The following ZNF700 variants were observed in gnomAD, a reference collection of about 807,000 sequenced individuals.
ZNF700 encodes the protein zinc finger protein 700.
A neutral mutation model predicts 65.3 loss-of-function variants in ZNF700; 38 were observed. The observed-to-expected ratio is 0.58, with a 90% CI of 0.45 to 0.76. The LOEUF (loss-of-function observed/expected upper bound fraction) is 0.76. Among genes scored for constraint, ZNF700 ranks in the 30% least tolerant of loss-of-function variants. The pLI, the probability that ZNF700 is intolerant of heterozygous loss-of-function variation, is 0.00. For synonymous variants in ZNF700, 285 were observed against 290.4 expected, an observed-to-expected ratio of 0.98 and a Z score of 0.19; for missense variants, 857 against 888.4, an observed-to-expected ratio of 0.96 and a Z score of 0.45.
chr19:11,925,631 T>C (rs1052431706), intron 1 of ZNF700, among the ~76,000 whole-genome samples: 2 of 152,170 alleles, frequency 1.3e-5, no homozygotes, highest in East Asian at 1.9e-4. Flanking sequence ...GGAGGAGCAG[T>C]GGTCTGTGGG....
intron 1 of ZNF700, among the ~76,000 whole-genome samples, chr19:11,927,842 A>G (rs910241172): frequency 6.6e-6 from 1 of 152,192 alleles, no homozygotes; most frequent in Non-Finnish European, 1.5e-5. Flanking sequence ...TGTGACTGAC[A>G]AGGAGTGTTT....
intron 1 of ZNF700, among the ~76,000 whole-genome samples, chr19:11,934,582 A>C (rs1972761697): frequency 6.8e-6 from 1 of 147,036 alleles, no homozygotes. Context: ...GCTGGAGTGC[A>C]ATGGCGCAAT....
rs754799995 is a variant in ZNF700 at position 11,950,280 on chromosome 19, G to A, written c.*27G>A. 2 of 1,587,226 alleles carry A rather than the reference G, an allele frequency of 1.3e-6. No individual in the cohort carries two copies. The highest frequency in any genetic ancestry group is 2.2e-5 in the East Asian group (1 of 44,674). On this transcript the variant is annotated 3_prime_UTR_variant, in exon 4 of 4. Transcript: ENST00000254321. ...CTGGTTCCTTTTATGGACATGAATA[G>A]ACTCACACTGGAAGGAAGCACTATG...
chr19:11,927,019 T>G (rs1026291453), intron 1 of ZNF700, among the ~76,000 whole-genome samples: 2 of 152,004 alleles, frequency 1.3e-5, no homozygotes, highest in African/African-American at 2.4e-5. Context: ...AGGAAGGAAT[T>G]CAAGACGAGT....
chr19:11,930,333 G>C (rs1972695539), intron 1 of ZNF700, among the ~76,000 whole-genome samples: 1 of 148,496 alleles, frequency 6.7e-6, no homozygotes, highest in South Asian at 2.1e-4. Context: ...ACCCCAACAA[G>C]GTTGTATTTA....
At position 11,949,247 on chromosome 19, in the gene ZNF700, A is replaced by T. The variant is rs151271610; in HGVS notation, c.1223A>T (p.His408Leu). 1 of 1,614,158 alleles carries T rather than the reference A, an allele frequency of 6.2e-7. No individual in the cohort carries two copies. The highest frequency in any genetic ancestry group is 8.5e-7 in the Non-Finnish European group (1 of 1,180,024). The change falls in exon 4 of 4, where the codon CAT becomes CTT. Residue 408 changes from histidine (H) to leucine (L), a missense_variant. Coordinates refer to ENST00000254321, the MANE Select transcript of ZNF700 (RefSeq NM_144566.3). The stretch of plus-strand genomic sequence containing the variant: ...AATCTTTCCAGTTCCTTTCGATATC[A>T]TGAAAGGATTCACACTGGAGAGAAA... The part of the protein sequence containing the change: ...AFNLSSSFRY[H>L]ERIHTGEKPY...
At chr19:11,940,132 T>C (rs1972857991) in intron 1 of ZNF700, 1 of 152,194 alleles carries the variant, frequency 6.6e-6, no homozygotes, top group Admixed American at 6.6e-5. Context: ...GGTTTCTCCA[T>C]GTTGGTCAGA....
intron 1 of ZNF700, among the ~76,000 whole-genome samples, chr19:11,938,568 CCTT>C (rs1301495051): frequency 6.6e-6 from 1 of 152,160 alleles, no homozygotes; most frequent in African/African-American, 2.4e-5. Context: ...ATGAACTCAT[CCTT>C]TTTTGTGGCT....
At chr19:11,938,926 T>C (rs1039472133) in intron 1 of ZNF700, among the ~76,000 whole-genome samples, 19 of 152,172 alleles carry the variant, frequency 1.2e-4, no homozygotes, top group Non-Finnish European at 2.4e-4. Context: ...TTCTAACTGG[T>C]GTGAGATGGT....
At chr19:11,936,618 T>A (rs1032053854) in intron 1 of ZNF700, among the ~76,000 whole-genome samples, 2 of 152,114 alleles carry the variant, frequency 1.3e-5, no homozygotes, top group South Asian at 4.1e-4. Context: ...ATTGCAAAAA[T>A]TTTCTCTCAT....
chr19:11,927,393 T>C (rs1972645798), intron 1 of ZNF700, among the ~76,000 whole-genome samples: 1 of 150,430 alleles, frequency 6.6e-6, no homozygotes, highest in Admixed American at 6.7e-5. Flanking sequence ...AAGACCAACC[T>C]GGCCAACACA....
At chr19:11,938,183 C>G (rs886757779) in intron 1 of ZNF700, among the ~76,000 whole-genome samples, 1 of 152,152 alleles carries the variant, frequency 6.6e-6, no homozygotes, top group Non-Finnish European at 1.5e-5. Flanking sequence ...ATTCTCCTGC[C>G]TCAGCCTCCC....
At position 11,950,366 on chromosome 19, in the gene ZNF700, C is replaced by T. The variant is rs1973048401; in HGVS notation, c.*113C>T. On this transcript the variant is annotated 3_prime_UTR_variant, in exon 4 of 4. Transcript: ENST00000254321. ...AGTTCTTTTCGATATCATGAAAGGA[C>T]TCACACTGGGGAGAAACCCTATCAA... 1 of 1,104,434 alleles carries T rather than the reference C, an allele frequency of 9.1e-7. No homozygotes were observed. Among genetic ancestry groups the T allele is most frequent in the Non-Finnish European group, 1.3e-6 (1 of 743,036 alleles). 68.4% of individuals were successfully genotyped at this position (1,104,434 alleles called of 1,614,324 possible).
chr19:11,933,939 G>A (rs1292103578), intron 1 of ZNF700, among the ~76,000 whole-genome samples: 2 of 147,328 alleles, frequency 1.4e-5, no homozygotes, highest in African/African-American at 2.7e-5. Flanking sequence ...GCTTCCCAAA[G>A]TGCTGGGATT....
intron 1 of ZNF700, among the ~76,000 whole-genome samples, chr19:11,927,463 T>TAGAA (rs1329949276): frequency 6.7e-6 from 1 of 148,754 alleles, no homozygotes; most frequent in Admixed American, 6.7e-5. Context: ...AATAAATAAA[T>TAGAA]AGAAAAGGAA....
At position 11,948,375 on chromosome 19, in the gene ZNF700, G is replaced by A. The variant is rs1438836243; in HGVS notation, c.351G>A (p.Lys117=). 4.3e-6 allele frequency: 7 copies of A among 1,613,896 alleles called. No individual in the cohort carries two copies. In the Admixed American group the frequency reaches 5.0e-5, roughly 12 times the overall value. ...VPDDRLNFQE[K]KASPEVKSCD... ...ATGACAGACTGAACTTCCAGGAGAA[G>A]AAAGCTTCTCCTGAAGTAAAATCAT... The change falls in exon 4 of 4, where the codon AAG becomes AAA. Residue 117 remains lysine, a synonymous_variant. Coordinates refer to ENST00000254321, the MANE Select transcript of ZNF700 (RefSeq NM_144566.3).
At chr19:11,946,471 A>C (rs1050098397) in intron 1 of ZNF700, among the ~76,000 whole-genome samples, 2 of 152,236 alleles carry the variant, frequency 1.3e-5, no homozygotes, top group South Asian at 2.1e-4. Flanking sequence ...CTCATTGGCT[A>C]TCTGTCCCTT....
In ZNF700 at chr19:11,932,568, C is replaced by T. The variant is rs1030357353; in HGVS notation, c.63+7295C>T. 1.5e-4 allele frequency among the ~76,000 whole-genome samples: 22 copies of T among 147,794 alleles called. 1 individual carries two copies. The South Asian group carries it at 4.6e-3, about 31-fold the overall frequency. On this transcript the variant is annotated intron_variant, in intron 1 of 3. Transcript: ENST00000254321. ...TGCCTTACTTTTCTTTATACTTCCC[C>T]AACCTGGGTACCCATCCACATCAGT...
At chr19:11,945,748 C>A (rs905152776) in intron 1 of ZNF700, among the ~76,000 whole-genome samples, 2 of 152,008 alleles carry the variant, frequency 1.3e-5, no homozygotes, top group African/African-American at 4.8e-5. Flanking sequence ...ATGATGACTC[C>A]CTTTCCGGGT....
Sources: gnomAD v4.1 joint callset for allele counts (sites outside exome capture counted in the v4.1 genomes callset) on GRCh38, gnomAD v4.1.1 for gene constraint, MANE v1.5 for transcripts, NCBI Gene and HGNC (gene_info 2026-07-23, HGNC 2026-07-21) for gene names.